LRRC7: variants seen among roughly 807,000 people sequenced by gnomAD.
LRRC7 encodes leucine-rich repeat-containing protein 7.
Under a neutral mutation model 175.7 loss-of-function variants are expected in LRRC7, and 23 were observed. The observed-to-expected ratio is 0.13, with a 90% CI of 0.09 to 0.19. LRRC7 has a LOEUF of 0.19. Among genes scored for constraint, LRRC7 ranks in the 10% least tolerant of loss-of-function variants. The pLI is 1.00. For synonymous variants in LRRC7, 685 were observed against 680.9 expected (o/e 1.01, Z -0.09); for missense variants, 1,354 against 1,904.7 (o/e 0.71, Z 5.38).
intron 3 of LRRC7, among the ~76,000 whole-genome samples, chr1:69,784,768 T>C: frequency 6.6e-6 from 1 of 152,360 alleles, no homozygotes; most frequent in South Asian, 2.1e-4. Flanking sequence ...TAACATTTTA[T>C]TATTTAATTG....
intron 5 of LRRC7, among the ~76,000 whole-genome samples, chr1:69,828,633 A>G (rs1570188495): frequency 6.6e-6 from 1 of 152,264 alleles, no homozygotes; most frequent in East Asian, 1.9e-4. Context: ...TAGATTAGAA[A>G]GAAATAAATG....
At chr1:69,992,313 T>C (rs541866241) in intron 10 of LRRC7, among the ~76,000 whole-genome samples, 22 of 152,256 alleles carry the variant, frequency 1.4e-4, no homozygotes, top group Admixed American at 3.3e-4. Context: ...TATATGTGTG[T>C]GTAGTTAAAA....
At chr1:70,100,726 A>G (rs904982135) in intron 25 of LRRC7, among the ~76,000 whole-genome samples, 18 of 152,008 alleles carry the variant, frequency 1.2e-4, no homozygotes, top group African/African-American at 4.3e-4. Flanking sequence ...CCTTCTGTTC[A>G]TCTTTTACAG....
At position 69,893,506 on chromosome 1, in the gene LRRC7, A is replaced by G. The variant is rs368918968; in HGVS notation, c.648-38001A>G. 3.7e-3 allele frequency among the ~76,000 whole-genome samples: 564 copies of G among 152,348 alleles called. 3 individuals are homozygous for G. Among genetic ancestry groups the G allele is most frequent in the African/African-American group, 0.013 (535 of 41,590 alleles). On this transcript the variant is annotated intron_variant, in intron 7 of 26. Coordinates refer to ENST00000651989, the MANE Select transcript of LRRC7 (RefSeq NM_001370785.2). ...TGTTTCAGCTTATGCTATGTATTGAAATACATTCTATATTTTTTTCTTGAA... is the reference window on the plus strand; with the variant it reads ...TGTTTCAGCTTATGCTATGTATTGAGATACATTCTATATTTTTTTCTTGAA...
intron 11 of LRRC7, among the ~76,000 whole-genome samples, chr1:70,005,569 G>C (rs1023405954): frequency 6.6e-6 from 1 of 152,118 alleles, no homozygotes; most frequent in African/African-American, 2.4e-5. Flanking sequence ...CAATACAGCT[G>C]ATTTCAAACA....
chr1:69,899,661 A>G (rs1303526203), intron 7 of LRRC7, among the ~76,000 whole-genome samples: 1 of 152,218 alleles, frequency 6.6e-6, no homozygotes, highest in African/African-American at 2.4e-5. Flanking sequence ...CTATGGTTTC[A>G]GTGTGGCCCC....
chr1:69,732,166 T>C (rs1368923150), intron 2 of LRRC7, among the ~76,000 whole-genome samples: 1 of 152,096 alleles, frequency 6.6e-6, no homozygotes, highest in Non-Finnish European at 1.5e-5. Flanking sequence ...ATTAGCTAGT[T>C]TTTAAAATAC....
At chr1:69,711,472 A>G (rs1028888676) in intron 2 of LRRC7, among the ~76,000 whole-genome samples, 3 of 152,188 alleles carry the variant, frequency 2.0e-5, no homozygotes, top group African/African-American at 7.2e-5. Context: ...GACATTTCAA[A>G]TCCCCTGAAT....
At chr1:70,006,266 A>G (rs1655982990) in intron 11 of LRRC7, among the ~76,000 whole-genome samples, 1 of 152,088 alleles carries the variant, frequency 6.6e-6, no homozygotes, top group South Asian at 2.1e-4. Context: ...GGTGCAGTCA[A>G]AATGTTTTTT....
intron 2 of LRRC7, among the ~76,000 whole-genome samples, chr1:69,726,875 G>C (rs1229007502): frequency 1.3e-5 from 2 of 152,118 alleles, no homozygotes; most frequent in Non-Finnish European, 2.9e-5. Context: ...TAAGATATTT[G>C]GGGACCTGCA....
chr1:69,781,099 A>C (rs1455906285), intron 3 of LRRC7, among the ~76,000 whole-genome samples: 2 of 152,194 alleles, frequency 1.3e-5, no homozygotes, highest in Non-Finnish European at 2.9e-5. Context: ...GATGTTAATA[A>C]AATGCTAATC....
intron 11 of LRRC7, among the ~76,000 whole-genome samples, chr1:69,996,697 T>G (rs1348019932): frequency 6.6e-6 from 1 of 152,146 alleles, no homozygotes; most frequent in Non-Finnish European, 1.5e-5. Context: ...TTGTCAAAGA[T>G]CAGATAGTTG....
intron 7 of LRRC7, chr1:69,873,472 G>A: frequency 1.9e-6 from 1 of 533,126 alleles, no homozygotes; most frequent in South Asian, 1.4e-5. Flanking sequence ...CTTAGCATCT[G>A]AAGATCCAGA....
intron 3 of LRRC7, among the ~76,000 whole-genome samples, chr1:69,773,372 G>C (rs1367818323): frequency 6.6e-6 from 1 of 152,166 alleles, no homozygotes; most frequent in Admixed American, 6.5e-5. Context: ...GGACTTGAGG[G>C]ACATGATAGA....
intron 7 of LRRC7, among the ~76,000 whole-genome samples, chr1:69,869,830 T>C (rs2101573900): frequency 6.6e-6 from 1 of 152,296 alleles, no homozygotes; most frequent in African/African-American, 2.4e-5. Context: ...GAAGGATTTT[T>C]GGACATTTAT....
chr1:69,947,958 G>A (rs1278016387), intron 8 of LRRC7, among the ~76,000 whole-genome samples: 1 of 151,912 alleles, frequency 6.6e-6, no homozygotes, highest in Non-Finnish European at 1.5e-5. Flanking sequence ...ATATCTTATT[G>A]TGGTATACTA....
intron 1 of LRRC7, among the ~76,000 whole-genome samples, chr1:69,581,045 A>G (rs932758703): frequency 2.0e-5 from 3 of 152,190 alleles, no homozygotes; most frequent in Admixed American, 6.5e-5. Context: ...CAGGAGGTCA[A>G]TGTGACTGGA....
chr1:69,721,284 T>C (rs1463973716), intron 2 of LRRC7, among the ~76,000 whole-genome samples: 3 of 151,896 alleles, frequency 2.0e-5, no homozygotes, highest in East Asian at 1.9e-4. Context: ...GTATATTCTA[T>C]GGGTTTGGAC....
chr1:69,846,276 T>C (rs1682358090), intron 7 of LRRC7, among the ~76,000 whole-genome samples: 1 of 152,192 alleles, frequency 6.6e-6, no homozygotes. Flanking sequence ...AAACTTATAC[T>C]CTCAACACAA....
Sources: gnomAD v4.1 joint callset for allele counts (sites outside exome capture counted in the v4.1 genomes callset) on GRCh38, gnomAD v4.1.1 for gene constraint, MANE v1.5 for transcripts, NCBI Gene and HGNC (gene_info 2026-07-23, HGNC 2026-07-21) for gene names.